The following MCM6 variants were observed in gnomAD, a reference collection of about 807,000 sequenced individuals.
The protein encoded by MCM6 is DNA replication licensing factor MCM6.
In MCM6, 46 loss-of-function variants were observed where a neutral mutation model predicts 94.3. The ratio of observed to expected loss-of-function variants is 0.49; its 90% CI spans 0.39 to 0.62. The LOEUF is 0.62. MCM6 is among the 20% of genes least tolerant of loss of function. The probability of loss-of-function intolerance (pLI) is 0.00; values close to 1 mark genes in which losing one functional copy is unlikely to be tolerated. For synonymous variants in MCM6, 335 were observed against 351.9 expected, an observed-to-expected ratio of 0.95 and a Z score of 0.54; for missense variants, 865 against 1,017.9, an observed-to-expected ratio of 0.85 and a Z score of 2.04.
chr2:135,860,624 C>T (rs1679972764), intron 8 of MCM6, among the ~76,000 whole-genome samples: 1 of 152,144 alleles, frequency 6.6e-6, no homozygotes, highest in African/African-American at 2.4e-5. Context: ...ACCACCTAAA[C>T]AGATGTAGAA....
chr2:135,858,124 T>C, intron 9 of MCM6, 120 bp from the exon 10 acceptor site: 1 of 853,594 alleles, frequency 1.2e-6, no homozygotes, highest in Non-Finnish European at 2.0e-6. Context: ...AGGCCGGGCA[T>C]TTGAGGTTAC....
At chr2:135,852,652 G>GAAAA in intron 12 of MCM6, 135 bp downstream of exon 12, 3 of 472,502 alleles carry the variant, frequency 6.3e-6, no homozygotes, top group African/African-American at 2.2e-5. Flanking sequence ...TGCTGTTCCA[G>GAAAA]AAAAAAAAAA....
intron 15 of MCM6, 71 bp downstream of exon 15, chr2:135,846,166 T>C: frequency 2.7e-6 from 4 of 1,475,676 alleles, no homozygotes; most frequent in Non-Finnish European, 3.7e-6. Context: ...AGTTTGGCAA[T>C]CACAAGTGGC....
Position 135,865,105 on chromosome 2 carries a change from A to G in MCM6, c.986T>C (p.Met329Thr). ...CACTTTCTCCCATTCTTTCACAGTCATTTGGTTCTTAATGCTCTCAGCTGT... is the reference window on the plus strand; with the variant it reads ...CACTTTCTCCCATTCTTTCACAGTCGTTTGGTTCTTAATGCTCTCAGCTGT... ...EQTAESIKNQMTVKEWEKVFE... is the reference protein window; with the variant it reads ...EQTAESIKNQTTVKEWEKVFE... Residue 329 changes from methionine to threonine, a missense_variant, in exon 7 of 17, where the codon ATG becomes ACG. Met to Thr is a moderately conservative substitution (Grantham distance 81, BLOSUM62 -1). Coordinates refer to ENST00000264156, the MANE Select transcript of MCM6 (RefSeq NM_005915.6). 1 of 1,583,814 alleles carries G rather than the reference A, an allele frequency of 6.3e-7. No homozygotes were observed. Among genetic ancestry groups the G allele is most frequent in the South Asian group, 1.2e-5 (1 of 84,770 alleles).
intron 16 of MCM6, among the ~76,000 whole-genome samples, chr2:135,842,912 T>TGA (rs1679600346): frequency 1.3e-5 from 2 of 152,142 alleles, no homozygotes; most frequent in South Asian, 4.2e-4. Flanking sequence ...CCTTCTAATG[T>TGA]GAGAGAAGCA....
At chr2:135,867,413 G>T (rs755142158) in intron 4 of MCM6, among the ~76,000 whole-genome samples, 1 of 151,798 alleles carries the variant, frequency 6.6e-6, no homozygotes, top group Non-Finnish European at 1.5e-5. Flanking sequence ...TACTTTATAA[G>T]ATAAGACATC....
intron 16 of MCM6, 90 bp from the exon 17 acceptor site, chr2:135,841,041 G>A: frequency 1.1e-6 from 1 of 899,318 alleles, no homozygotes; most frequent in African/African-American, 1.7e-5. Flanking sequence ...CCGAGTGTTT[G>A]CTATCAACAT....
At chr2:135,854,313 T>A (rs1679831015) in intron 11 of MCM6, among the ~76,000 whole-genome samples, 1 of 151,904 alleles carries the variant, frequency 6.6e-6, no homozygotes, top group Admixed American at 6.6e-5. Flanking sequence ...CGGGATCACC[T>A]GAGGTCAGGA....
intron 8 of MCM6, 139 bp downstream of exon 8, chr2:135,862,468 A>C: frequency 1.1e-6 from 1 of 946,202 alleles, no homozygotes; most frequent in Middle Eastern, 2.3e-4. Flanking sequence ...CCATAACTTT[A>C]ATCTATGAGA....
At chr2:135,853,801 T>C (rs186211459) in intron 11 of MCM6, among the ~76,000 whole-genome samples, 18 of 151,946 alleles carry the variant, frequency 1.2e-4, no homozygotes, top group African/African-American at 4.3e-4. Flanking sequence ...TGTGCAGATA[T>C]ATACAGACAG....
rs566127445 is a variant in MCM6, at chr2:135,858,049, G to C, written c.1363-45C>G. ...GCCTAAGAAGCTGTCTTTCAAGCTG[G>C]ATGCATGGCTCACACTTGTAATCCC... On this transcript the variant is annotated intron_variant, in intron 9 of 16. Coordinates refer to ENST00000264156, the MANE Select transcript of MCM6 (RefSeq NM_005915.6). The C allele has an allele frequency of 5.2e-6, 8 of 1,539,364 alleles. No individual in the cohort carries two copies. In the African/African-American group the frequency reaches 6.8e-5, roughly 13 times the overall value.
In MCM6 at chr2:135,858,006, T is replaced by C; in HGVS notation, c.1363-2A>G. The C allele has an allele frequency of 6.2e-7, 1 of 1,612,536 alleles. No individual in the cohort carries two copies. Among genetic ancestry groups the C allele is most frequent in the Non-Finnish European group, 8.5e-7 (1 of 1,179,352 alleles). On this transcript the variant is annotated splice_acceptor_variant, in intron 9 of 16. Transcript: ENST00000264156. LOFTEE classifies it high-confidence loss of function. ...AAATTCATCAATACAACACACACCC[T>C]GTAACCAAACAAATCAAGCCTAAGA... is the stretch of plus-strand genomic sequence containing the variant.
At chr2:135,859,142 C>T (rs1415397683) in intron 9 of MCM6, among the ~76,000 whole-genome samples, 159 bp downstream of exon 9, 1 of 152,184 alleles carries the variant, frequency 6.6e-6, no homozygotes, top group Non-Finnish European at 1.5e-5. Context: ...GATCCACCCA[C>T]CTCGGCTTCC....
At position 135,872,789 on chromosome 2, in the gene MCM6, A is replaced by T. The variant is rs145504459; in HGVS notation, c.162T>A (p.Ile54=). 1.9e-6 allele frequency: 3 copies of T among 1,614,236 alleles called. No homozygotes were observed. The highest frequency in any genetic ancestry group is 2.5e-6 in the Non-Finnish European group (3 of 1,180,044). The change falls in exon 2 of 17, where the codon ATT becomes ATA. Residue 54 remains isoleucine, a synonymous_variant. Transcript: ENST00000264156. ...CAACCAATGTGTTTCTCTCAGGACG[A>T]ATCAGTTCCTCTGCTAATTGCAAGT... is the stretch of plus-strand genomic sequence containing the variant. ...IKYLQLAEEL[I]RPERNTLVVS...
Position 135,851,322 on chromosome 2 carries a change from G to T in MCM6, c.1917+80C>A, listed in dbSNP as rs189102118. On this transcript the variant is annotated intron_variant, in intron 13 of 16. Transcript: ENST00000264156. The stretch of plus-strand genomic sequence containing the variant: ...AAAAATGTATTTGCAGTGAATTCTA[G>T]TATGTCCCATACCAAAGATTAAAAA... 2.2e-4 allele frequency: 243 copies of T among 1,109,448 alleles called. No individual in the cohort carries two copies. The African/African-American group carries it at 3.5e-3, about 16-fold the overall frequency. 68.7% of individuals were successfully genotyped at this position (1,109,448 alleles called of 1,614,324 possible). A position where few individuals can be genotyped will look rare whatever the true frequency, so the allele number is the denominator to read the frequency against.
At chr2:135,855,178 AAC>A (rs1477412093) in intron 11 of MCM6, among the ~76,000 whole-genome samples, 4 of 152,194 alleles carry the variant, frequency 2.6e-5, no homozygotes, top group African/African-American at 9.7e-5. Flanking sequence ...AACTAAAGAA[AAC>A]AGTTTTAAAA....
At chr2:135,841,485 C>A (rs1009475890) in intron 16 of MCM6, among the ~76,000 whole-genome samples, 1 of 151,772 alleles carries the variant, frequency 6.6e-6, no homozygotes, top group African/African-American at 2.4e-5. Flanking sequence ...GATTTTAAGC[C>A]CACGATATAA....
intron 16 of MCM6, among the ~76,000 whole-genome samples, chr2:135,842,816 G>T (rs1380505544): frequency 6.6e-6 from 1 of 152,174 alleles, no homozygotes; most frequent in Admixed American, 6.5e-5. Flanking sequence ...TGGGTATGGG[G>T]AAGACTGCTG....
chr2:135,854,560 GAAAA>G (rs1307863266), intron 11 of MCM6, among the ~76,000 whole-genome samples: 16 of 132,798 alleles, frequency 1.2e-4, no homozygotes, highest in East Asian at 2.3e-4. Context: ...AAGAGAAAAA[GAAAA>G]AGAAAAAGAA....
Sources: allele counts gnomAD v4.1 joint callset (sites outside exome capture counted in the v4.1 genomes callset), GRCh38; gene constraint gnomAD v4.1.1; transcripts MANE v1.5; gene names NCBI Gene and HGNC (gene_info 2026-07-23, HGNC 2026-07-21).